The following TMEM132C variants were observed in gnomAD, a reference collection of about 807,000 sequenced individuals.
The protein encoded by TMEM132C is transmembrane protein 132C.
TMEM132C carries 29 observed loss-of-function variants against 61.4 expected under a neutral mutation model. The ratio of observed to expected loss-of-function variants is 0.47; its 90% CI spans 0.35 to 0.64. The LOEUF (loss-of-function observed/expected upper bound fraction) is 0.64, where lower values mean the gene tolerates loss of function less well. Ranked by LOEUF, TMEM132C falls within the 30% of genes least tolerant of loss-of-function variation. The pLI, the probability that TMEM132C is intolerant of heterozygous loss-of-function variation, is 0.00. For synonymous variants in TMEM132C, 656 were observed against 633.1 expected, an observed-to-expected ratio of 1.04 and a Z score of -0.54; for missense variants, 1,408 against 1,476.9, an observed-to-expected ratio of 0.95 and a Z score of 0.76.
intron 2 of TMEM132C, among the ~76,000 whole-genome samples, chr12:128,449,221 G>C (rs943595388): frequency 2.0e-5 from 3 of 149,686 alleles, no homozygotes; most frequent in African/African-American, 7.4e-5. Flanking sequence ...TCTGAAAACT[G>C]AGCCCATTTT....
At chr12:128,449,285 G>GCTCCAT (rs1322423655) in intron 2 of TMEM132C, among the ~76,000 whole-genome samples, 2 of 152,178 alleles carry the variant, frequency 1.3e-5, no homozygotes, top group African/African-American at 4.8e-5. Flanking sequence ...TGTGCTCTCG[G>GCTCCAT]CTCCATCGTA....
At chr12:128,511,363 C>G (rs774505853) in intron 2 of TMEM132C, among the ~76,000 whole-genome samples, 4 of 152,242 alleles carry the variant, frequency 2.6e-5, no homozygotes, top group Non-Finnish European at 5.9e-5. Context: ...ACCACTCTCA[C>G]TTCTGACACC....
At chr12:128,355,327 A>C (rs1002909923) in intron 1 of TMEM132C, among the ~76,000 whole-genome samples, 1 of 152,078 alleles carries the variant, frequency 6.6e-6, no homozygotes, top group African/African-American at 2.4e-5. Flanking sequence ...GTGCCTGAGG[A>C]GGGTCCCTCT....
rs1250943830 is a variant in TMEM132C, at chr12:128,278,298, C to T, written c.85+10811C>T. Among the ~76,000 whole-genome samples the T allele has an allele frequency of 6.6e-6, 1 of 152,144 alleles. No homozygotes were observed. The highest frequency in any genetic ancestry group is 2.4e-5 in the African/African-American group (1 of 41,436). On this transcript the variant is annotated intron_variant, in intron 1 of 8. Transcript: ENST00000435159. This position sits in a 1 kb window ranked among gnomAD's most constrained non-coding sequence, Gnocchi z 4.2. ...GTAAACCTTTTGGGTCACGACACAGCCCCGGGTTACCATTTTCTTTATTTT... is the reference window on the plus strand; with the variant it reads ...GTAAACCTTTTGGGTCACGACACAGTCCCGGGTTACCATTTTCTTTATTTT...
intron 2 of TMEM132C, among the ~76,000 whole-genome samples, chr12:128,500,021 C>T (rs1168077222): frequency 2.6e-5 from 4 of 152,142 alleles, no homozygotes; most frequent in African/African-American, 9.7e-5. Context: ...TGAAGGTTCC[C>T]TTTCTCGGCA....
Position 128,695,876 on chromosome 12 carries a change from C to T in TMEM132C, c.1702C>T (p.Arg568Trp), listed in dbSNP as rs907509521. 2.2e-5 allele frequency: 34 copies of T among 1,549,310 alleles called. No individual in the cohort carries two copies. Among genetic ancestry groups the T allele is most frequent in the Admixed American group, 5.9e-5 (3 of 50,928 alleles). Residue 568 changes from arginine (R) to tryptophan (W), a missense_variant, in exon 7 of 9, where the codon CGG becomes TGG. Arg to Trp is a moderately radical substitution (Grantham distance 101, BLOSUM62 -3). Coordinates refer to ENST00000435159, the MANE Select transcript of TMEM132C (RefSeq NM_001136103.3). The stretch of plus-strand genomic sequence containing the variant: ...TGAGGACGAGGAGGAGCGGCGGGGC[C>T]GGGGCTGCGCACTGCAATACCAGCA... ...EDEDEEERRGRGCALQYQHAT... is the reference protein window; with the variant it reads ...EDEDEEERRGWGCALQYQHAT...
At chr12:128,484,036 T>TC (rs1163322029) in intron 2 of TMEM132C, among the ~76,000 whole-genome samples, 1 of 152,042 alleles carries the variant, frequency 6.6e-6, no homozygotes, top group Non-Finnish European at 1.5e-5. Flanking sequence ...CAGTTCAGAA[T>TC]CCCCCTGCAG....
chr12:128,666,768 T>C (rs901365420), intron 4 of TMEM132C, among the ~76,000 whole-genome samples: 3 of 152,248 alleles, frequency 2.0e-5, no homozygotes, highest in Admixed American at 6.5e-5. Context: ...TTTTATCATT[T>C]GTTATTTCTA....
chr12:128,406,455 AT>A (rs1305610263), intron 1 of TMEM132C, among the ~76,000 whole-genome samples: 2 of 152,146 alleles, frequency 1.3e-5, no homozygotes, highest in Admixed American at 1.3e-4. Context: ...ACACAAACAA[AT>A]ATAAAATTAC....
Position 128,678,521 on chromosome 12 carries a change from T to C in TMEM132C, c.1449+8961T>C, listed in dbSNP as rs1213025796. 5.3e-5 allele frequency among the ~76,000 whole-genome samples: 8 copies of C among 152,228 alleles called. 1 individual carries two copies. Among genetic ancestry groups the C allele is most frequent in the African/African-American group, 1.9e-4 (8 of 41,474 alleles). On this transcript the variant is annotated intron_variant, in intron 5 of 8. Transcript: ENST00000435159. ...TGCAAAATGGGGGAAGCCCCAGGCCTACCCCAGAAGATTGTTTTGAGTTTG... is the reference window on the plus strand; with the variant it reads ...TGCAAAATGGGGGAAGCCCCAGGCCCACCCCAGAAGATTGTTTTGAGTTTG...
At position 128,415,681 on chromosome 12, in the gene TMEM132C, T is replaced by C; in HGVS notation, c.974+61T>C. 4.1e-6 allele frequency: 6 copies of C among 1,445,802 alleles called. No homozygotes were observed. The highest frequency in any genetic ancestry group is 1.4e-5 in the African/African-American group (1 of 70,152). 89.6% of individuals were successfully genotyped at this position (1,445,802 alleles called of 1,614,324 possible). Reference sequence around the variant, plus strand: ...ATGCCTGGTGTGAGACTGGGTTCCATGCGTGGCAGATAGATATTCAGGAAG... The same window carrying C: ...ATGCCTGGTGTGAGACTGGGTTCCACGCGTGGCAGATAGATATTCAGGAAG... On this transcript the variant is annotated intron_variant, in intron 2 of 8. Transcript: ENST00000435159. This position sits in a 1 kb window ranked among gnomAD's most constrained non-coding sequence, Gnocchi z 5.8.
At chr12:128,508,902 C>T (rs1025408586) in intron 2 of TMEM132C, among the ~76,000 whole-genome samples, 7 of 152,200 alleles carry the variant, frequency 4.6e-5, no homozygotes, top group Non-Finnish European at 8.8e-5. Context: ...CTCTCCCCAG[C>T]GTGGCTGACT....
At chr12:128,501,674 A>G (rs1438950223) in intron 2 of TMEM132C, among the ~76,000 whole-genome samples, 2 of 152,164 alleles carry the variant, frequency 1.3e-5, no homozygotes, top group Non-Finnish European at 2.9e-5. Flanking sequence ...TCTTGGAGAG[A>G]AATCAGATGA....
intron 4 of TMEM132C, among the ~76,000 whole-genome samples, chr12:128,633,959 TC>T (rs1954081662): frequency 6.6e-6 from 1 of 152,260 alleles, no homozygotes; most frequent in Admixed American, 6.5e-5. Flanking sequence ...ATCAATTAAT[TC>T]ATATAACAAA....
intron 2 of TMEM132C, among the ~76,000 whole-genome samples, chr12:128,532,126 G>T (rs945348228): frequency 6.6e-6 from 1 of 152,164 alleles, no homozygotes; most frequent in East Asian, 1.9e-4. Flanking sequence ...AGTGTTGCAC[G>T]CATGCTAGCA....
chr12:128,393,600 G>A (rs931862404), intron 1 of TMEM132C, among the ~76,000 whole-genome samples: 1 of 152,180 alleles, frequency 6.6e-6, no homozygotes, highest in Admixed American at 6.5e-5. Context: ...TTCTGTGACA[G>A]GAAGGGGTTG....
chr12:128,407,678 G>A lies in TMEM132C; in HGVS notation c.86-7054G>A, dbSNP rs557358643. Among the ~76,000 whole-genome samples the A allele has an allele frequency of 1.4e-4, 21 of 152,266 alleles. No homozygotes were observed. The South Asian group carries it at 4.4e-3, about 32-fold the overall frequency. On this transcript the variant is annotated intron_variant, in intron 1 of 8. Coordinates refer to ENST00000435159, the MANE Select transcript of TMEM132C (RefSeq NM_001136103.3). ...TCCTACTATCAGGTGTCCAAAAGAG[G>A]CAGAGTGGAAATGTGCAAGGCCCCT...
chr12:128,574,239 C>G (rs1160246257), intron 3 of TMEM132C, among the ~76,000 whole-genome samples: 1 of 152,228 alleles, frequency 6.6e-6, no homozygotes, highest in African/African-American at 2.4e-5. Flanking sequence ...AGCATCCTGT[C>G]TATGCATGGT....
chr12:128,497,184 C>A (rs146293007), intron 2 of TMEM132C, among the ~76,000 whole-genome samples: 2,210 of 152,342 alleles, frequency 0.015, 56 homozygotes, highest in African/African-American at 0.05. Context: ...CCTGATCGTT[C>A]CTCTGGAAGC....
Sources: gnomAD v4.1 joint callset for allele counts (sites outside exome capture counted in the v4.1 genomes callset) on GRCh38, gnomAD v4.1.1 for gene constraint, Gnocchi (gnomAD v3.1) non-coding constraint, MANE v1.5 for transcripts, NCBI Gene and HGNC (gene_info 2026-07-23, HGNC 2026-07-21) for gene names.